USHBP1: variants seen among roughly 807,000 people sequenced by gnomAD.
The protein encoded by USHBP1 is harmonin-binding protein USHBP1.
USHBP1 carries 67 observed loss-of-function variants against 76.2 expected under a neutral mutation model. The ratio of observed to expected loss-of-function variants is 0.88; its 90% CI spans 0.72 to 1.08. The LOEUF is 1.08. Among genes scored for constraint, USHBP1 ranks in the 50% least tolerant of loss-of-function variants. USHBP1 has a pLI of 0.00. For missense variants in USHBP1, 931 were observed against 915.0 expected (o/e 1.02, Z -0.23); for synonymous variants, 322 against 362.2 (o/e 0.89, Z 1.26).
intron 9 of USHBP1, 68 bp from the exon 10 acceptor site, chr19:17,255,674 A>T: frequency 6.8e-7 from 1 of 1,475,154 alleles, no homozygotes; most frequent in East Asian, 2.5e-5. Context: ...CTGAGGCCCC[A>T]AGAGGCACCC....
chr19:17,262,580 C>G lies in USHBP1; in HGVS notation c.614G>C (p.Arg205Pro). ...TTTCTGCAGCGTCTCCTTCTCAGCTCGGATGGCCTCCAGGGAGGCCTGCGT... is the reference window on the plus strand; with the variant it reads ...TTTCTGCAGCGTCTCCTTCTCAGCTGGGATGGCCTCCAGGGAGGCCTGCGT... ...VRTQASLEAI[R>P]AEKETLQKEV... is the part of the protein sequence containing the mutation. The change falls in exon 4 of 13, where the codon CGA (arginine) becomes CCA (proline). Residue 205 changes from arginine (R) to proline (P), a missense_variant. Physicochemically the swap from Arg to Pro is moderately radical, Grantham distance 103. Transcript: ENST00000252597. 1 of 1,610,368 alleles carries G rather than the reference C, an allele frequency of 6.2e-7. No individual in the cohort carries two copies. Among genetic ancestry groups the G allele is most frequent in the South Asian group, 1.1e-5 (1 of 91,002 alleles).
chr19:17,259,156 TTC>T (rs1599474287), intron 7 of USHBP1, 131 bp downstream of exon 7: 1 of 1,302,460 alleles, frequency 7.7e-7, no homozygotes, highest in East Asian at 2.6e-5. Context: ...CACAGCGAGA[TTC>T]TGTCTCAAAA....
At chr19:17,258,482 G>A in intron 7 of USHBP1, 97 bp from the exon 8 acceptor site, 1 of 1,418,534 alleles carries the variant, frequency 7.0e-7, no homozygotes, top group Admixed American at 2.0e-5. Flanking sequence ...GCTGAGGCGG[G>A]AGGATTACCT....
intron 8 of USHBP1, among the ~76,000 whole-genome samples, chr19:17,257,845 C>T (rs1002657787): frequency 2.6e-5 from 4 of 152,014 alleles, no homozygotes; most frequent in African/African-American, 4.8e-5. Flanking sequence ...GAAGGACTTT[C>T]GCCATGTTAC....
rs763089368 is a variant in USHBP1, at chr19:17,256,637, C to T, written c.1304G>A (p.Arg435His). The T allele has an allele frequency of 1.3e-5, 21 of 1,614,074 alleles. No individual in the cohort carries two copies. Among genetic ancestry groups the T allele is most frequent in the East Asian group, 8.9e-5 (4 of 44,898 alleles). The change falls in exon 9 of 13, where the codon CGC becomes CAC. Residue 435 changes from arginine (R) to histidine (H), a missense_variant. Transcript: ENST00000252597. The stretch of plus-strand genomic sequence containing the variant: ...TGAGAGAATCTTCATTAGAGAACGG[C>T]GCTCCTGGAGACGCTGGACATAGCT... Reference protein sequence around the residue: ...LRSYVQRLQERRSLMKILSEP... With the variant: ...LRSYVQRLQEHRSLMKILSEP...
intron 9 of USHBP1, 67 bp downstream of exon 9, chr19:17,256,404 C>T (rs2073619278): frequency 6.3e-7 from 1 of 1,591,576 alleles, no homozygotes; most frequent in Non-Finnish European, 8.5e-7. Context: ...TCCTTGGTCC[C>T]CCGACCTCAG....
In USHBP1 at chr19:17,259,383, G is replaced by C; in HGVS notation, c.952C>G (p.Leu318Val). ...KCFNRLLSAV[L>V]QGYKGRCEGL... ...TCACAGCGGCCCTTGTATCCCTGTA[G>C]CACAGCTGATAGCAGACGATTAAAG... The change falls in exon 7 of 13, where the codon CTA (leucine) becomes GTA (valine). Residue 318 changes from leucine to valine, a missense_variant. Coordinates refer to ENST00000252597, the MANE Select transcript of USHBP1 (RefSeq NM_031941.4). The C allele has an allele frequency of 6.2e-7, 1 of 1,614,174 alleles. No individual in the cohort carries two copies. The highest frequency in any genetic ancestry group is 8.5e-7 in the Non-Finnish European group (1 of 1,180,048).
chr19:17,257,590 C>T lies in USHBP1; in HGVS notation c.1220+622G>A, dbSNP rs1378592413. On this transcript the variant is annotated intron_variant, in intron 8 of 12. Transcript: ENST00000252597. ...CCGGGAGGCAGAGGTTGCAGTGAGC[C>T]GAGATCGGACCATTGGACTCTAGCC... Among the ~76,000 whole-genome samples, 3 of 144,244 alleles carry T rather than the reference C, an allele frequency of 2.1e-5. No individual in the cohort carries two copies. The South Asian group carries it at 6.6e-4, about 32-fold the overall frequency. 94.6% of individuals were successfully genotyped at this position (144,244 alleles called of 152,430 possible). A position where few individuals can be genotyped will look rare whatever the true frequency, so the allele number is the denominator to read the frequency against.
rs368653442 is a variant in USHBP1 at position 17,254,103 on chromosome 19, G to A, written c.1692+1282C>T. ...TCACGCCTGTAATCCCAGCACTTTG[G>A]GAGGCTGAGGCAGGTGGATCACAAG... On this transcript the variant is annotated intron_variant, in intron 10 of 12. Coordinates refer to ENST00000252597, the MANE Select transcript of USHBP1 (RefSeq NM_031941.4). 1.2e-4 allele frequency among the ~76,000 whole-genome samples: 19 copies of A among 152,168 alleles called. No homozygotes were observed. In the East Asian group the frequency reaches 3.5e-3, roughly 28 times the overall value.
At chr19:17,263,070 C>T in intron 3 of USHBP1, 80 bp from the exon 4 acceptor site, 1 of 1,418,298 alleles carries the variant, frequency 7.1e-7, no homozygotes, top group Non-Finnish European at 9.4e-7. Flanking sequence ...CGGAGTCTCA[C>T]TCTGTTGCCC....
rs1034384093 is a variant in USHBP1, at chr19:17,251,584, G to A, written c.1920C>T (p.His640=). The change falls in exon 12 of 13, where the codon CAC becomes CAT. Residue 640 remains histidine (H), a splice_region_variant and synonymous_variant. Coordinates refer to ENST00000252597, the MANE Select transcript of USHBP1 (RefSeq NM_031941.4). ...AELNRDLCKA[H]SALVLAFRGA... Reference sequence around the variant, plus strand: ...GGGGGGATGCAGAACAGTCCTACCTGTGGGCTTTGCATAAATCCCTGTTCA... The same window carrying A: ...GGGGGGATGCAGAACAGTCCTACCTATGGGCTTTGCATAAATCCCTGTTCA... 5 of 1,613,672 alleles carry A rather than the reference G, an allele frequency of 3.1e-6. No individual in the cohort carries two copies. Among genetic ancestry groups the A allele is most frequent in the Admixed American group, 1.7e-5 (1 of 59,978 alleles).
In USHBP1 at chr19:17,256,607, G is replaced by A; in HGVS notation, c.1334C>T (p.Pro445Leu). ...RRSLMKILSEPGPTLAPMPTV... is the reference protein window; with the variant it reads ...RRSLMKILSELGPTLAPMPTV... ...GGGCATGGGTGCCAAGGTGGGGCCA[G>A]GCTCTGAGAGAATCTTCATTAGAGA... Residue 445 changes from proline (P) to leucine (L), a missense_variant, in exon 9 of 13, where the codon CCT becomes CTT. Coordinates refer to ENST00000252597, the MANE Select transcript of USHBP1 (RefSeq NM_031941.4). 1 of 1,614,230 alleles carries A rather than the reference G, an allele frequency of 6.2e-7. No individual in the cohort carries two copies. The highest frequency in any genetic ancestry group is 1.1e-5 in the South Asian group (1 of 91,086).
At chr19:17,262,081 A>C (rs2073696058) in intron 4 of USHBP1, among the ~76,000 whole-genome samples, 1 of 142,492 alleles carries the variant, frequency 7.0e-6, no homozygotes, top group African/African-American at 2.7e-5. Flanking sequence ...GCTGACTGCC[A>C]TCTCCATCAC....
intron 8 of USHBP1, 100 bp downstream of exon 8, chr19:17,258,112 C>T (rs2145587168): frequency 1.9e-6 from 3 of 1,545,604 alleles, no homozygotes; most frequent in South Asian, 1.1e-5. Flanking sequence ...CTGGACACAG[C>T]CACACCAAGC....
rs985641448 is a variant in USHBP1 at position 17,256,696 on chromosome 19, C to G, written c.1245G>C (p.Lys415Asn). 23 of 1,614,060 alleles carry G rather than the reference C, an allele frequency of 1.4e-5. No individual in the cohort carries two copies. The Admixed American group carries it at 2.8e-4, about 20-fold the overall frequency. ...QPSPEGSSVD[K>N]PTPQEVAFQL... is the part of the protein sequence containing the mutation. ...GGAAAGCCACTTCCTGTGGGGTGGG[C>G]TTATCCACACTGCTGCCTTCAGGGC... is the stretch of plus-strand genomic sequence containing the variant. Residue 415 changes from lysine (K) to asparagine (N), a missense_variant, in exon 9 of 13, where the codon AAG becomes AAC. Physicochemically the swap from Lys to Asn is moderately conservative, Grantham distance 94. Coordinates refer to ENST00000252597, the MANE Select transcript of USHBP1 (RefSeq NM_031941.4).
chr19:17,260,590 A>G (rs1310918046), intron 4 of USHBP1, among the ~76,000 whole-genome samples: 1 of 152,114 alleles, frequency 6.6e-6, no homozygotes, highest in African/African-American at 2.4e-5. Flanking sequence ...TCAGCCTCCC[A>G]AAGTGCTGGG....
chr19:17,252,079 A>G, intron 10 of USHBP1, 62 bp from the exon 11 acceptor site: 1 of 1,465,428 alleles, frequency 6.8e-7, no homozygotes, highest in Non-Finnish European at 9.2e-7. Context: ...CTTGGCCCAC[A>G]CTGGACATTG....
chr19:17,264,261 C>A lies in USHBP1; in HGVS notation c.39G>T (p.Gly13=), dbSNP rs143154861. The A allele has an allele frequency of 6.2e-7, 1 of 1,613,732 alleles. No homozygotes were observed. The highest frequency in any genetic ancestry group is 8.5e-7 in the Non-Finnish European group (1 of 1,179,924). The change falls in exon 2 of 13, where the codon GGG becomes GGT. Residue 13 remains glycine (G), a synonymous_variant. Transcript: ENST00000252597. ...TGACACTTACGGGTGGAGCATGCCT[C>A]CCTCGCCGGCTTCGGGGCCGCGTGG... is the stretch of plus-strand genomic sequence containing the variant. ...ARATRPRSRR[G]RHAPPGELDP...
At chr19:17,262,403 C>T (rs2073699605) in intron 4 of USHBP1, 149 bp downstream of exon 4, 4 of 909,336 alleles carry the variant, frequency 4.4e-6, no homozygotes, top group Admixed American at 2.9e-5. Flanking sequence ...CTGCCTCCAC[C>T]TCCCAAAGTG....
Sources: allele counts gnomAD v4.1 joint callset (sites outside exome capture counted in the v4.1 genomes callset), GRCh38; gene constraint gnomAD v4.1.1; transcripts MANE v1.5; gene names NCBI Gene and HGNC (gene_info 2026-07-23, HGNC 2026-07-21).